ASTN2: variants seen among roughly 807,000 people sequenced by gnomAD.
ASTN2 encodes the protein astrotactin-2.
In ASTN2, 54 loss-of-function variants were observed where a neutral mutation model predicts 139.8. That is an observed-to-expected ratio of 0.39 (90% CI 0.31 to 0.48). The LOEUF is 0.48. Ranked by LOEUF, ASTN2 falls within the 20% of genes least tolerant of loss-of-function variation. ASTN2 has a pLI of 0.95. For missense variants in ASTN2, 1,565 were observed against 1,725.1 expected, an observed-to-expected ratio of 0.91 and a Z score of 1.64; for synonymous variants, 756 against 719.5, an observed-to-expected ratio of 1.05 and a Z score of -0.81.
rs1847256752 is a variant in ASTN2, at chr9:116,424,612, T to C, written c.*1239A>G. Among the ~76,000 whole-genome samples, 1 of 148,324 alleles carries C rather than the reference T, an allele frequency of 6.7e-6. No homozygotes were observed. Among genetic ancestry groups the C allele is most frequent in the Non-Finnish European group, 1.5e-5 (1 of 67,056 alleles). On this transcript the variant is annotated 3_prime_UTR_variant, in exon 23 of 23. Coordinates refer to ENST00000313400, the MANE Select transcript of ASTN2 (RefSeq NM_001365068.1). ...TTCCATCTTTTTTTTTTTTTTTAAG[T>C]TGTCACCTAGGCTGGAGTCCAGTGG...
At position 116,442,535 on chromosome 9, in the gene ASTN2, C is replaced by T. The variant is rs765705871; in HGVS notation, c.3516G>A (p.Val1172=). The T allele has an allele frequency of 6.2e-7, 1 of 1,614,092 alleles. No individual in the cohort carries two copies. Among genetic ancestry groups the T allele is most frequent in the Admixed American group, 1.7e-5 (1 of 60,006 alleles). ...GCTCTGAGTGCCTCCCTCGTGTATC[C>T]ACAGCATACAGAGTGAACCTGCAGC... ...DGLYKFTLYA[V]DTRGRHSELS... The change falls in exon 21 of 23, where the codon GTG becomes GTA. Residue 1172 remains valine (V), a synonymous_variant. Coordinates refer to ENST00000313400, the MANE Select transcript of ASTN2 (RefSeq NM_001365068.1).
chr9:116,776,041 G>C (rs958993223), intron 13 of ASTN2, among the ~76,000 whole-genome samples: 1 of 152,138 alleles, frequency 6.6e-6, no homozygotes, highest in African/African-American at 2.4e-5. Context: ...GGGAGACTGG[G>C]TATTGAGGTC....
intron 10 of ASTN2, among the ~76,000 whole-genome samples, chr9:116,926,331 C>G (rs1254163387): frequency 3.3e-5 from 5 of 152,224 alleles, no homozygotes; most frequent in African/African-American, 4.8e-5. Context: ...GTTGCCACCC[C>G]CTGCCACTGC....
chr9:116,826,798 C>G (rs1301569370), intron 11 of ASTN2, among the ~76,000 whole-genome samples: 1 of 152,196 alleles, frequency 6.6e-6, no homozygotes, highest in Non-Finnish European at 1.5e-5. Context: ...ACTCACCCCA[C>G]TGCTGCCACT....
chr9:116,476,589 C>T (rs1390950829), intron 20 of ASTN2, among the ~76,000 whole-genome samples: 1 of 152,192 alleles, frequency 6.6e-6, no homozygotes, highest in Non-Finnish European at 1.5e-5. Flanking sequence ...GTTAGTTCTG[C>T]AGCACAAGTG....
intron 19 of ASTN2, among the ~76,000 whole-genome samples, chr9:116,547,076 C>G (rs989261861): frequency 2.6e-5 from 4 of 152,110 alleles, no homozygotes; most frequent in African/African-American, 9.7e-5. Flanking sequence ...GTTTTATAAA[C>G]AGGTTCTTAT....
intron 16 of ASTN2, among the ~76,000 whole-genome samples, chr9:116,669,375 T>C (rs1859055632): frequency 6.6e-6 from 1 of 152,144 alleles, no homozygotes; most frequent in South Asian, 2.1e-4. Context: ...TAAAAGTTGC[T>C]ATCTAAAAAA....
chr9:116,675,383 T>C (rs1168752788), intron 16 of ASTN2, among the ~76,000 whole-genome samples: 1 of 152,146 alleles, frequency 6.6e-6, no homozygotes, highest in African/African-American at 2.4e-5. Flanking sequence ...GTGGGGTGTC[T>C]GTAGCCCCAA....
At chr9:116,757,316 T>G (rs1829558745) in intron 13 of ASTN2, among the ~76,000 whole-genome samples, 1 of 152,194 alleles carries the variant, frequency 6.6e-6, no homozygotes, top group Non-Finnish European at 1.5e-5. Context: ...TGCGACTGCA[T>G]CTGTGAAGCT....
At chr9:117,345,341 C>A (rs996994579) in intron 1 of ASTN2, among the ~76,000 whole-genome samples, 7 of 152,104 alleles carry the variant, frequency 4.6e-5, no homozygotes, top group African/African-American at 1.7e-4. Context: ...GGATTTACAA[C>A]CTAAAGGAGC....
At chr9:116,817,509 T>C (rs1012803518) in intron 12 of ASTN2, among the ~76,000 whole-genome samples, 3 of 151,932 alleles carry the variant, frequency 2.0e-5, no homozygotes, top group Non-Finnish European at 4.4e-5. Context: ...GGGAACAGTG[T>C]TGTGAAAACT....
At chr9:116,531,942 C>T (rs1196864469) in intron 19 of ASTN2, among the ~76,000 whole-genome samples, 3 of 152,228 alleles carry the variant, frequency 2.0e-5, no homozygotes, top group Non-Finnish European at 4.4e-5. Flanking sequence ...AATCACCACA[C>T]TGTCTTCCAC....
At chr9:117,085,865 T>C (rs1828547251) in intron 5 of ASTN2, among the ~76,000 whole-genome samples, 1 of 152,200 alleles carries the variant, frequency 6.6e-6, no homozygotes, top group African/African-American at 2.4e-5. Flanking sequence ...ATTTATCTCA[T>C]TCATCCTTAT....
intron 1 of ASTN2, among the ~76,000 whole-genome samples, chr9:117,360,497 G>GTGCGCTGGGGATATGGAGA (rs1246179031): frequency 6.6e-6 from 1 of 152,190 alleles, no homozygotes. Context: ...AAAAGAGCAA[G>GTGCGCTGGGGATATGGAGA]TGCGCTGGGG....
At chr9:116,816,758 A>C (rs1588317142) in intron 12 of ASTN2, among the ~76,000 whole-genome samples, 1 of 152,082 alleles carries the variant, frequency 6.6e-6, no homozygotes, top group Admixed American at 6.5e-5. Flanking sequence ...AGGATGATTT[A>C]CTCTGTTTTG....
At chr9:117,198,460 G>A (rs1372980681) in intron 3 of ASTN2, among the ~76,000 whole-genome samples, 2 of 152,058 alleles carry the variant, frequency 1.3e-5, no homozygotes, top group South Asian at 2.1e-4. Context: ...AGTGCAGAAT[G>A]TGCAGGTTTG....
chr9:116,735,171 T>C (rs1206426128), intron 13 of ASTN2, among the ~76,000 whole-genome samples: 1 of 151,926 alleles, frequency 6.6e-6, no homozygotes. Flanking sequence ...TGATGGTGAG[T>C]TTTAAGGCCC....
chr9:116,736,528 C>T (rs1039315603), intron 13 of ASTN2, among the ~76,000 whole-genome samples: 2 of 152,106 alleles, frequency 1.3e-5, no homozygotes, highest in Non-Finnish European at 2.9e-5. Flanking sequence ...GTGCTGAGCC[C>T]AGACAGGATG....
intron 2 of ASTN2, among the ~76,000 whole-genome samples, chr9:117,224,484 T>A (rs1832636764): frequency 6.6e-6 from 1 of 152,206 alleles, no homozygotes; most frequent in South Asian, 2.1e-4. Flanking sequence ...CCCAGCTGCA[T>A]TCCTCCCATA....
Sources: gnomAD v4.1 joint callset for allele counts (sites outside exome capture counted in the v4.1 genomes callset) on GRCh38, gnomAD v4.1.1 for gene constraint, MANE v1.5 for transcripts, NCBI Gene and HGNC (gene_info 2026-07-23, HGNC 2026-07-21) for gene names.